The following GCN1 variants were observed in gnomAD, a reference collection of about 807,000 sequenced individuals.
The protein encoded by GCN1 is GCN1 activator of EIF2AK4.
Under a neutral mutation model 288.4 loss-of-function variants are expected in GCN1, and 90 were observed. That is an observed-to-expected ratio of 0.31 (90% CI 0.26 to 0.37). The LOEUF (loss-of-function observed/expected upper bound fraction) is 0.37. GCN1 is among the 10% of genes least tolerant of loss of function. GCN1 has a pLI of 1.00. For missense variants in GCN1, 2,586 were observed against 3,419.9 expected, an observed-to-expected ratio of 0.76 and a Z score of 6.08; for synonymous variants, 1,386 against 1,420.2, an observed-to-expected ratio of 0.98 and a Z score of 0.54.
chr12:120,156,905 ACAT>A lies in GCN1; in HGVS notation c.3168+4_3168+6del. 6.3e-7 allele frequency: 1 copy of A among 1,593,370 alleles called. No homozygotes were observed. Among genetic ancestry groups the A allele is most frequent in the South Asian group, 1.1e-5 (1 of 90,682 alleles). On this transcript the variant is annotated splice_donor_5th_base_variant and intron_variant, in intron 27 of 57. Coordinates refer to ENST00000300648, the MANE Select transcript of GCN1 (RefSeq NM_006836.2). This position sits in a 1 kb window ranked among gnomAD's most constrained non-coding sequence, Gnocchi z 5.8. ...TCACAGCAACAGCCAACTGAAAACC[ACAT>A]CACCTGTAAGCGAGGCGAGCCCGTC...
intron 36 of GCN1, among the ~76,000 whole-genome samples, chr12:120,149,085 A>G (rs1372474671): frequency 6.9e-6 from 1 of 143,918 alleles, no homozygotes; most frequent in East Asian, 2.4e-4. Context: ...TTATTTTCAA[A>G]AAGAGCTTTC....
chr12:120,129,351 G>C lies in GCN1; in HGVS notation c.7815C>G (p.Asn2605Lys). Residue 2605 changes from asparagine (N) to lysine (K), a missense_variant, in exon 57 of 58, where the codon AAC (asparagine) becomes AAG (lysine). Transcript: ENST00000300648. ...KALLDNTKDK[N>K]TVVRAYSDQA... ...GGTCGCTGTAGGCCCTGACCACGGT[G>C]TTCTTATCCTTGGTGTTGTCAAGAA... is the stretch of plus-strand genomic sequence containing the variant. The C allele has an allele frequency of 6.2e-7, 1 of 1,614,102 alleles. No individual in the cohort carries two copies. Among genetic ancestry groups the C allele is most frequent in the South Asian group, 1.1e-5 (1 of 91,078 alleles).
chr12:120,178,569 G>A lies in GCN1; in HGVS notation c.660+56C>T, dbSNP rs373163169. The A allele has an allele frequency of 1.1e-5, 17 of 1,588,560 alleles. No homozygotes were observed. In the East Asian group the frequency reaches 1.1e-4, roughly 10 times the overall value. ...CAGGTTCCCATTCCTTCCCTCCAGC[G>A]AGCTCCCAACATCCCCAACATAGCA... On this transcript the variant is annotated intron_variant, in intron 7 of 57. Coordinates refer to ENST00000300648, the MANE Select transcript of GCN1 (RefSeq NM_006836.2).
chr12:120,142,952 G>A lies in GCN1; in HGVS notation c.5496-11C>T. 1.3e-6 allele frequency: 2 copies of A among 1,518,322 alleles called. No individual in the cohort carries two copies. The highest frequency in any genetic ancestry group is 1.8e-6 in the Non-Finnish European group (2 of 1,092,778). The allele number at this position is 1,518,322 out of a possible 1,614,324, so 94.1% of individuals were successfully genotyped here. On this transcript the variant is annotated splice_polypyrimidine_tract_variant and intron_variant, in intron 42 of 57. Transcript: ENST00000300648. This position sits in a 1 kb window ranked among gnomAD's most constrained non-coding sequence, Gnocchi z 4.9. ...TGAACAGAGCTGAACCTGAGAAGGAGGCCAACAACACAGTCACACAGCTGC... is the reference window on the plus strand; with the variant it reads ...TGAACAGAGCTGAACCTGAGAAGGAAGCCAACAACACAGTCACACAGCTGC...
Position 120,148,200 on chromosome 12 carries a change from T to C in GCN1, c.4693A>G (p.Ile1565Val). ...QKAGQQALRQIGSVIRNPEIL... is the reference protein window; with the variant it reads ...QKAGQQALRQVGSVIRNPEIL... ...TCCGGGTTCCTGATAACGGAGCCGA[T>C]CTGCCTGAGCGCCTGCTGTCCAGCC... is the stretch of plus-strand genomic sequence containing the variant. The change falls in exon 37 of 58, where the codon ATC (isoleucine) becomes GTC (valine). Residue 1565 changes from isoleucine to valine, a missense_variant. Physicochemically the swap from Ile to Val is conservative, Grantham distance 29 (BLOSUM62 3). Around this residue, in one of 8 missense-constraint regions of GCN1, gnomAD observed 371 missense variants for 572.6 expected, o/e 0.65. Transcript: ENST00000300648. The C allele has an allele frequency of 6.2e-7, 1 of 1,613,914 alleles. No individual in the cohort carries two copies. Among genetic ancestry groups the C allele is most frequent in the Non-Finnish European group, 8.5e-7 (1 of 1,179,924 alleles).
intron 36 of GCN1, among the ~76,000 whole-genome samples, chr12:120,148,870 A>C (rs2139099498): frequency 6.6e-6 from 1 of 152,054 alleles, no homozygotes; most frequent in South Asian, 2.1e-4. Context: ...CCCAGGTTGG[A>C]GTGTGGTGGC....
At chr12:120,185,758 G>C (rs1450725018) in intron 2 of GCN1, among the ~76,000 whole-genome samples, 1 of 152,002 alleles carries the variant, frequency 6.6e-6, no homozygotes, top group Non-Finnish European at 1.5e-5. Flanking sequence ...GCACCACCAC[G>C]CCCAGTTAAT....
intron 5 of GCN1, 93 bp from the exon 6 acceptor site, chr12:120,179,043 C>T (rs1293043147): frequency 1.9e-6 from 2 of 1,029,520 alleles, no homozygotes; most frequent in South Asian, 1.4e-5. Context: ...ATCAGACCCT[C>T]CAAATCCTGG....
At chr12:120,182,138 C>T (rs1300588744) in intron 5 of GCN1, among the ~76,000 whole-genome samples, 1 of 150,536 alleles carries the variant, frequency 6.6e-6, no homozygotes, top group Non-Finnish European at 1.5e-5. Flanking sequence ...GACAGAATTA[C>T]ACTCTGTCTC....
At chr12:120,145,168 C>T (rs868410853) in intron 39 of GCN1, 94 bp downstream of exon 39, 7 of 1,561,204 alleles carry the variant, frequency 4.5e-6, no homozygotes, top group Non-Finnish European at 6.2e-6. Context: ...CTTTACCCAA[C>T]AGACACAAAA....
At chr12:120,175,295 C>T in intron 11 of GCN1, 83 bp from the exon 12 acceptor site, 2 of 1,220,418 alleles carry the variant, frequency 1.6e-6, no homozygotes, top group Non-Finnish European at 2.4e-6. Context: ...GTGTGTGATG[C>T]CACGATACGG....
intron 15 of GCN1, among the ~76,000 whole-genome samples, chr12:120,169,703 C>G (rs1878257488): frequency 6.6e-6 from 1 of 152,126 alleles, no homozygotes; most frequent in Admixed American, 6.6e-5. Context: ...GGGGTTTCAC[C>G]ATGTTGGCCA....
intron 51 of GCN1, among the ~76,000 whole-genome samples, chr12:120,136,037 CAAAAAACAAA>C (rs1876992841): frequency 6.6e-6 from 1 of 151,376 alleles, no homozygotes; most frequent in Non-Finnish European, 1.5e-5. Flanking sequence ...CAAAACAAAA[CAAAAAACAAA>C]AAAAAACAAA....
Position 120,170,272 on chromosome 12 carries a change from T to C in GCN1, c.1416A>G (p.Thr472=). 2 of 1,614,116 alleles carry C rather than the reference T, an allele frequency of 1.2e-6. No homozygotes were observed. Among genetic ancestry groups the C allele is most frequent in the South Asian group, 2.2e-5 (2 of 91,080 alleles). Residue 472 remains threonine (T), a synonymous_variant, in exon 15 of 58, where the codon ACA becomes ACG. Coordinates refer to ENST00000300648, the MANE Select transcript of GCN1 (RefSeq NM_006836.2). ...ALDLLPLLIQ[T]VEKAASQSTQ... is the part of the protein sequence containing the mutation. ...TGCTTTGGGAGGCTGCCTTCTCCACTGTCTGGATGAGCAAGGGCAGTAAGT... is the reference window on the plus strand; with the variant it reads ...TGCTTTGGGAGGCTGCCTTCTCCACCGTCTGGATGAGCAAGGGCAGTAAGT...
intron 18 of GCN1, among the ~76,000 whole-genome samples, 187 bp downstream of exon 18, chr12:120,164,149 A>T (rs902498949): frequency 6.6e-6 from 1 of 152,208 alleles, no homozygotes; most frequent in African/African-American, 2.4e-5. Flanking sequence ...TGTGAAAAAA[A>T]GTCTCTGAAA....
chr12:120,178,301 G>A (rs754713254), intron 7 of GCN1, among the ~76,000 whole-genome samples: 6 of 152,122 alleles, frequency 3.9e-5, no homozygotes, highest in Non-Finnish European at 7.4e-5. Flanking sequence ...TGGGGGCAGG[G>A]GTCATAGCTC....
chr12:120,180,078 A>G (rs1022020107), intron 5 of GCN1, among the ~76,000 whole-genome samples: 2 of 152,116 alleles, frequency 1.3e-5, no homozygotes, highest in Admixed American at 6.5e-5. Context: ...AGGCCGAGGC[A>G]GGCAGATCAC....
chr12:120,176,805 C>T (rs188294491), intron 9 of GCN1, among the ~76,000 whole-genome samples: 2 of 152,148 alleles, frequency 1.3e-5, no homozygotes, highest in African/African-American at 2.4e-5. Context: ...CTGGCTCTGT[C>T]GCCCAGGCTG....
At position 120,153,629 on chromosome 12, in the gene GCN1, T is replaced by C; in HGVS notation, c.3867+115A>G. The C allele has an allele frequency of 1.9e-6, 2 of 1,049,434 alleles. No homozygotes were observed. The highest frequency in any genetic ancestry group is 1.4e-6 in the Non-Finnish European group (1 of 702,660). The allele number at this position is 1,049,434 out of a possible 1,614,324, so 65.0% of individuals were successfully genotyped here. A position where few individuals can be genotyped will look rare whatever the true frequency, so the allele number is the denominator to read the frequency against. ...GCTCAAAGTGCTCTGCCAGGACTCT[T>C]GGCACTCAGCATTTCTGGCCCCTGC... On this transcript the variant is annotated intron_variant, in intron 32 of 57. Transcript: ENST00000300648. The surrounding 1 kb of genome is among the most constrained non-coding windows in gnomAD (Gnocchi z 4.4).
Sources: allele counts gnomAD v4.1 joint callset (sites outside exome capture counted in the v4.1 genomes callset), GRCh38; gene constraint gnomAD v4.1.1; regional missense constraint gnomAD v4.1.1; non-coding constraint Gnocchi (gnomAD v3.1); transcripts MANE v1.5; gene names NCBI Gene and HGNC (gene_info 2026-07-23, HGNC 2026-07-21).